RAB3C: variants seen among roughly 807,000 people sequenced by gnomAD.
RAB3C encodes the protein ras-related protein Rab-3C.
A neutral mutation model predicts 26.4 loss-of-function variants in RAB3C; 17 were observed. That is an observed-to-expected ratio of 0.64 (90% confidence interval 0.44 to 0.97). The LOEUF (loss-of-function observed/expected upper bound fraction) is 0.97, where lower values mean the gene tolerates loss of function less well. Among genes scored for constraint, RAB3C ranks in the 50% least tolerant of loss-of-function variants. The pLI is 0.00. For missense variants in RAB3C, 242 were observed against 281.9 expected, an observed-to-expected ratio of 0.86 and a Z score of 1.01; for synonymous variants, 91 against 95.9, an observed-to-expected ratio of 0.95 and a Z score of 0.30.
At chr5:58,726,945 G>A (rs1345660527) in intron 3 of RAB3C, among the ~76,000 whole-genome samples, 1 of 151,936 alleles carries the variant, frequency 6.6e-6, no homozygotes, top group Non-Finnish European at 1.5e-5. Context: ...TGGAAGGAGC[G>A]AGAATCTAGG....
intron 4 of RAB3C, among the ~76,000 whole-genome samples, chr5:58,837,773 G>C (rs1165364949): frequency 6.7e-6 from 1 of 150,178 alleles, no homozygotes; most frequent in Non-Finnish European, 1.5e-5. Context: ...TGGCCAGGCT[G>C]ATCTCGAACT....
In RAB3C at chr5:58,832,511, G is replaced by A. The variant is rs1743634786; in HGVS notation, c.496+7349G>A. Among the ~76,000 whole-genome samples the A allele has an allele frequency of 2.6e-5, 4 of 152,280 alleles. No individual in the cohort carries two copies. The South Asian group carries it at 8.3e-4, about 32-fold the overall frequency. On this transcript the variant is annotated intron_variant, in intron 4 of 4. Transcript: ENST00000282878. ...CACCAACTATTGGTCAAGGCACTAG[G>A]AGTTAGGAAACAATAAGACCAAATT...
chr5:58,756,059 A>G (rs1579901261), intron 3 of RAB3C, among the ~76,000 whole-genome samples: 1 of 151,682 alleles, frequency 6.6e-6, no homozygotes, highest in Non-Finnish European at 1.5e-5. Context: ...ATATAAAAAG[A>G]GTGTAAAGAA....
At chr5:58,652,656 A>G (rs938268645) in intron 2 of RAB3C, among the ~76,000 whole-genome samples, 2 of 151,304 alleles carry the variant, frequency 1.3e-5, no homozygotes, top group Non-Finnish European at 2.9e-5. Flanking sequence ...ACACATATAC[A>G]CATCTATATA....
intron 2 of RAB3C, among the ~76,000 whole-genome samples, chr5:58,722,425 G>T (rs1339808129): frequency 6.6e-6 from 1 of 150,580 alleles, no homozygotes; most frequent in East Asian, 1.9e-4. Context: ...AAAAAAAAAA[G>T]TGTGACCAAG....
rs532714696 is a variant in RAB3C at position 58,625,659 on chromosome 5, C to T, written c.252+7789C>T. On this transcript the variant is annotated intron_variant, in intron 2 of 4. Transcript: ENST00000282878. ...GGATCACGAGGTCAGGAGTTTGAGACCAGCCTGACCAACGTGGTGAAAACC... is the reference window on the plus strand; with the variant it reads ...GGATCACGAGGTCAGGAGTTTGAGATCAGCCTGACCAACGTGGTGAAAACC... Among the ~76,000 whole-genome samples, 6 of 152,096 alleles carry T rather than the reference C, an allele frequency of 3.9e-5. No homozygotes were observed. In the East Asian group the frequency reaches 1.2e-3, roughly 30 times the overall value.
At chr5:58,839,603 C>T (rs928476452) in intron 4 of RAB3C, among the ~76,000 whole-genome samples, 7 of 152,092 alleles carry the variant, frequency 4.6e-5, no homozygotes, top group African/African-American at 1.7e-4. Flanking sequence ...CTCCCAACCT[C>T]AGGTGATCCA....
At position 58,698,587 on chromosome 5, in the gene RAB3C, A is replaced by C. The variant is rs569160310; in HGVS notation, c.253-27415A>C. On this transcript the variant is annotated intron_variant, in intron 2 of 4. Transcript: ENST00000282878. ...AATCAAACGTAGATTTGGTCTTTTC[A>C]CATAGTCCCATATTTCTTGGAGGCT... Among the ~76,000 whole-genome samples, 7 of 152,070 alleles carry C rather than the reference A, an allele frequency of 4.6e-5. No homozygotes were observed. In the South Asian group the frequency reaches 1.0e-3, roughly 23 times the overall value.
At position 58,807,011 on chromosome 5, in the gene RAB3C, A is replaced by T. The variant is rs1383979166; in HGVS notation, c.372-18027A>T. ...GGAAATGCGTTGGTGACTTAGCAAG[A>T]TTTGAATAGTGGTATTTTCTAAGCA... On this transcript the variant is annotated intron_variant, in intron 3 of 4. Coordinates refer to ENST00000282878, the MANE Select transcript of RAB3C (RefSeq NM_138453.4). Among the ~76,000 whole-genome samples the T allele has an allele frequency of 2.0e-5, 3 of 152,208 alleles. No individual in the cohort carries two copies. In the East Asian group the frequency reaches 5.8e-4, roughly 29 times the overall value.
intron 2 of RAB3C, among the ~76,000 whole-genome samples, chr5:58,640,070 G>T (rs949408296): frequency 6.6e-6 from 1 of 152,126 alleles, no homozygotes; most frequent in Non-Finnish European, 1.5e-5. Flanking sequence ...TAATATAAAA[G>T]TGCAGTCATG....
chr5:58,637,380 G>T (rs1747312125), intron 2 of RAB3C, among the ~76,000 whole-genome samples: 1 of 151,840 alleles, frequency 6.6e-6, no homozygotes, highest in African/African-American at 2.4e-5. Flanking sequence ...CTCTCTAAAT[G>T]ACTAGATATT....
chr5:58,625,149 C>G (rs561592843), intron 2 of RAB3C, among the ~76,000 whole-genome samples: 1 of 152,308 alleles, frequency 6.6e-6, no homozygotes, highest in South Asian at 2.1e-4. Context: ...CATTCTGCTG[C>G]ACCCTTTCTC....
intron 2 of RAB3C, among the ~76,000 whole-genome samples, chr5:58,640,499 T>C (rs149204974): frequency 2.0e-5 from 3 of 152,352 alleles, no homozygotes; most frequent in African/African-American, 7.2e-5. Flanking sequence ...GCCAGGAAAG[T>C]TGGCAATCAC....
intron 2 of RAB3C, among the ~76,000 whole-genome samples, chr5:58,653,481 A>G (rs984624239): frequency 5.3e-5 from 8 of 152,216 alleles, no homozygotes; most frequent in Non-Finnish European, 1.2e-4. Flanking sequence ...TCATTCTACT[A>G]TAAAAACACA....
chr5:58,783,021 G>A (rs1324041607), intron 3 of RAB3C, among the ~76,000 whole-genome samples: 1 of 152,102 alleles, frequency 6.6e-6, no homozygotes, highest in African/African-American at 2.4e-5. Flanking sequence ...GTGGAATGCA[G>A]ATCTGTAACA....
intron 2 of RAB3C, among the ~76,000 whole-genome samples, chr5:58,635,604 GCAGGTGCCTGT>G (rs1431056200): frequency 6.6e-6 from 1 of 152,216 alleles, no homozygotes; most frequent in Non-Finnish European, 1.5e-5. Flanking sequence ...CTTGGCTAGT[GCAGGTGCCTGT>G]CAGGACCAGG....
chr5:58,826,478 T>A (rs984942371), intron 4 of RAB3C, among the ~76,000 whole-genome samples: 1 of 152,194 alleles, frequency 6.6e-6, no homozygotes, highest in African/African-American at 2.4e-5. Flanking sequence ...TGGAATTCTT[T>A]TTGTTTTTTG....
At chr5:58,757,921 TG>T (rs56091899) in intron 3 of RAB3C, among the ~76,000 whole-genome samples, 51,190 of 146,184 alleles carry the variant, frequency 0.35, 9,247 homozygotes, top group East Asian at 0.49. Context: ...TATTTGTTTT[TG>T]TTGTTGTTGT....
intron 3 of RAB3C, among the ~76,000 whole-genome samples, chr5:58,805,603 A>G (rs11952403): frequency 9.8e-5 from 13 of 132,986 alleles, no homozygotes; most frequent in South Asian, 2.4e-4. Context: ...AAAAAAAAAA[A>G]AGAGAGAGAG....
Sources: gnomAD v4.1 joint callset for allele counts (sites outside exome capture counted in the v4.1 genomes callset) on GRCh38, gnomAD v4.1.1 for gene constraint, MANE v1.5 for transcripts, NCBI Gene and HGNC (gene_info 2026-07-23, HGNC 2026-07-21) for gene names.